GLB1: variants seen among roughly 807,000 people sequenced by gnomAD.
GLB1 encodes beta-galactosidase.
Under a neutral mutation model 74.0 loss-of-function variants are expected in GLB1, and 56 were observed. The ratio of observed to expected loss-of-function variants is 0.76; its 90% confidence interval spans 0.61 to 0.94. The LOEUF (loss-of-function observed/expected upper bound fraction) is 0.94. Ranked by LOEUF, GLB1 falls within the 40% of genes least tolerant of loss-of-function variation. The pLI is 0.00. For synonymous variants in GLB1, 323 were observed against 323.6 expected (o/e 1.00, Z 0.02); for missense variants, 787 against 845.5 (o/e 0.93, Z 0.86).
rs570123572 is a variant in GLB1 at position 33,085,299 on chromosome 3, A to C, written c.75+11712T>G. On this transcript the variant is annotated intron_variant, in intron 1 of 15. Transcript: ENST00000307363. ...CAAAAAAAAAAAAAAAAAAAGCGAG[A>C]GAGAGAGAAACAAACATAAAATCAA... Among the ~76,000 whole-genome samples, 266 of 149,532 alleles carry C rather than the reference A, an allele frequency of 1.8e-3. 2 individuals carry two copies. The highest frequency in any genetic ancestry group is 3.1e-3 in the Non-Finnish European group (207 of 67,430).
chr3:32,972,695 A>G, the GLB1 span, among the ~76,000 whole-genome samples: 8 of 152,220 alleles, frequency 5.3e-5, no homozygotes, highest in Non-Finnish European at 7.4e-5. Flanking sequence ...GGAGGTGGCA[A>G]ATAATGGTGC....
chr3:33,074,872 TCA>T (rs1476602647), intron 1 of GLB1, among the ~76,000 whole-genome samples: 1 of 152,170 alleles, frequency 6.6e-6, no homozygotes, highest in Non-Finnish European at 1.5e-5. Flanking sequence ...GAGTCCTAGA[TCA>T]CACATGCCTG....
intron 11 of GLB1, 113 bp from the exon 12 acceptor site, chr3:33,021,768 A>G (rs551025728): frequency 8.3e-7 from 1 of 1,210,514 alleles, no homozygotes; most frequent in Non-Finnish European, 1.2e-6. Flanking sequence ...ACCCCTAAAT[A>G]AACCTAAATC....
chr3:32,973,749 T>A, the GLB1 span, among the ~76,000 whole-genome samples: 4 of 152,256 alleles, frequency 2.6e-5, no homozygotes, highest in South Asian at 2.1e-4. Flanking sequence ...CACTTAAAAG[T>A]CTACATGTTT....
At chr3:32,978,769 T>C in the GLB1 span, among the ~76,000 whole-genome samples, 41 of 141,940 alleles carry the variant, frequency 2.9e-4, no homozygotes, top group Non-Finnish European at 5.6e-4. Flanking sequence ...TTCTTTCTTT[T>C]TTTTTTTTTT....
chr3:33,018,385 A>G, intron 13 of GLB1, 63 bp downstream of exon 13: 1 of 1,526,802 alleles, frequency 6.5e-7, no homozygotes, highest in Non-Finnish European at 9.0e-7. Context: ...TGTGTTAACA[A>G]GTGCAGGCTG....
chr3:32,967,372 G>C, the GLB1 span, among the ~76,000 whole-genome samples: 1 of 152,146 alleles, frequency 6.6e-6, no homozygotes, highest in African/African-American at 2.4e-5. Flanking sequence ...TTAGAGACCA[G>C]CCTGGCCAAC....
intron 1 of GLB1, among the ~76,000 whole-genome samples, chr3:33,095,847 G>A (rs1701002380): frequency 6.6e-6 from 1 of 152,146 alleles, no homozygotes; most frequent in African/African-American, 2.4e-5. Flanking sequence ...GACTCCTAAG[G>A]TCCTACGGGC....
downstream of GLB1, among the ~76,000 whole-genome samples, chr3:32,992,933 G>C (rs79852129): frequency 6.6e-6 from 1 of 152,220 alleles, no homozygotes; most frequent in East Asian, 1.9e-4. Context: ...AAGAGCAGGG[G>C]CTAGGCCAAA....
intron 10 of GLB1, 136 bp from the exon 11 acceptor site, chr3:33,024,461 C>G: frequency 1.1e-6 from 1 of 899,584 alleles, no homozygotes; most frequent in Non-Finnish European, 1.7e-6. Context: ...ATCAAAGGAA[C>G]TAGAGACTTC....
At chr3:33,038,556 T>C (rs115767757) in intron 10 of GLB1, among the ~76,000 whole-genome samples, 2,623 of 152,326 alleles carry the variant, frequency 0.017, 84 homozygotes, top group African/African-American at 0.059. Context: ...GAAAATGTCA[T>C]GATGCAAGTC....
At chr3:33,067,128 G>A (rs1364525544) in intron 4 of GLB1, among the ~76,000 whole-genome samples, 2 of 150,548 alleles carry the variant, frequency 1.3e-5, no homozygotes, top group Admixed American at 6.7e-5. Flanking sequence ...TCAGCCTCCC[G>A]AGTAGCTGGG....
chr3:32,979,869 A>ATAG, the GLB1 span, among the ~76,000 whole-genome samples: 22 of 141,660 alleles, frequency 1.6e-4, no homozygotes, highest in Admixed American at 2.7e-4. Context: ...AAAAAAAAAA[A>ATAG]AAAAAAAAAG....
rs772047552 is a variant in GLB1 at position 33,093,145 on chromosome 3, G to C, written c.75+3866C>G. 6.2e-7 allele frequency: 1 copy of C among 1,614,172 alleles called. No individual in the cohort carries two copies. Among genetic ancestry groups the C allele is most frequent in the Non-Finnish European group, 8.5e-7 (1 of 1,180,036 alleles). On this transcript the variant is annotated intron_variant, in intron 1 of 15. Coordinates refer to ENST00000307363, the MANE Select transcript of GLB1 (RefSeq NM_000404.4). The surrounding 1 kb of genome is among the most constrained non-coding windows in gnomAD (Gnocchi z 6.0). ...CTGCAGCCCTCCAGGGCCTTGTCAA[G>C]ATCCATGCCATGGCCAGAGTAGTGC...
intron 15 of GLB1, among the ~76,000 whole-genome samples, chr3:33,002,523 CG>C (rs1240313877): frequency 6.7e-6 from 1 of 149,212 alleles, no homozygotes; most frequent in East Asian, 2.1e-4. Context: ...GTGAAACTAT[CG>C]GGGGGAGGTA....
chr3:33,043,246 T>TA (rs1159492163), intron 10 of GLB1, among the ~76,000 whole-genome samples: 2 of 152,180 alleles, frequency 1.3e-5, no homozygotes, highest in Non-Finnish European at 2.9e-5. Context: ...TCTCTGGTGA[T>TA]AGAGGTGAGG....
the GLB1 span, among the ~76,000 whole-genome samples, chr3:32,970,584 G>A: frequency 6.6e-6 from 1 of 152,036 alleles, no homozygotes; most frequent in Non-Finnish European, 1.5e-5. Flanking sequence ...AACCACTCTA[G>A]GACCCATATA....
intron 15 of GLB1, among the ~76,000 whole-genome samples, chr3:33,002,523 C>T (rs1034198987): frequency 6.7e-6 from 1 of 149,212 alleles, no homozygotes; most frequent in South Asian, 2.1e-4. Flanking sequence ...GTGAAACTAT[C>T]GGGGGGAGGT....
intron 15 of GLB1, among the ~76,000 whole-genome samples, chr3:33,011,193 A>G (rs1477987910): frequency 6.6e-6 from 1 of 152,150 alleles, no homozygotes. Flanking sequence ...TTCAAAGAAG[A>G]AATCATATGG....
Sources: gnomAD v4.1 joint callset for allele counts (sites outside exome capture counted in the v4.1 genomes callset) on GRCh38, gnomAD v4.1.1 for gene constraint, Gnocchi (gnomAD v3.1) non-coding constraint, MANE v1.5 for transcripts, NCBI Gene and HGNC (gene_info 2026-07-23, HGNC 2026-07-21) for gene names.